The following MAST4 variants were observed in gnomAD, a reference collection of about 807,000 sequenced individuals.
MAST4 encodes the protein microtubule associated serine/threonine kinase family member 4.
A neutral mutation model predicts 162.7 loss-of-function variants in MAST4; 89 were observed. The observed-to-expected ratio is 0.55, with a 90% CI of 0.46 to 0.65. The LOEUF is 0.65. Among genes scored for constraint, MAST4 ranks in the 30% least tolerant of loss-of-function variants. The probability of loss-of-function intolerance (pLI) is 0.00; values close to 1 mark genes in which losing one functional copy is unlikely to be tolerated. For synonymous variants in MAST4, 1,479 were observed against 1,361.1 expected (o/e 1.09, Z -1.91); for missense variants, 3,153 against 3,374.0 (o/e 0.93, Z 1.62).
Position 67,114,149 on chromosome 5 carries a change from A to G in MAST4, c.1521A>G (p.Gly507=). 6.2e-7 allele frequency: 1 copy of G among 1,613,284 alleles called. No homozygotes were observed. The highest frequency in any genetic ancestry group is 1.3e-5 in the African/African-American group (1 of 74,982). Residue 507 remains glycine, a synonymous_variant, in exon 12 of 29, where the codon GGA becomes GGG. Coordinates refer to ENST00000403625, the MANE Select transcript of MAST4 (RefSeq NM_001164664.2). ...CAGCAGAAGGCCATGCCAAAGAAGGACAGGGTATTAAAACCGACATTCCCA... is the reference window on the plus strand; with the variant it reads ...CAGCAGAAGGCCATGCCAAAGAAGGGCAGGGTATTAAAACCGACATTCCCA... The part of the protein sequence containing the change: ...LEAAEGHAKE[G]QGIKTDIPRY...
At chr5:66,727,559 A>G (rs1472068925) in intron 1 of MAST4, among the ~76,000 whole-genome samples, 2 of 152,186 alleles carry the variant, frequency 1.3e-5, no homozygotes, top group Non-Finnish European at 2.9e-5. Flanking sequence ...TCAGTGCACT[A>G]TAGAAACATT....
intron 27 of MAST4, among the ~76,000 whole-genome samples, chr5:67,161,512 C>T (rs1351199012): frequency 6.6e-6 from 1 of 152,068 alleles, no homozygotes; most frequent in Non-Finnish European, 1.5e-5. Context: ...TGTATAAGAG[C>T]TTAATTATCA....
chr5:66,851,657 A>G (rs910961385), intron 3 of MAST4, among the ~76,000 whole-genome samples: 1 of 152,044 alleles, frequency 6.6e-6, no homozygotes, highest in Non-Finnish European at 1.5e-5. Context: ...ATCCCTTTTT[A>G]TTTTTATTAA....
rs1757040100 is a variant in MAST4, at chr5:66,822,434, G to C, written c.642+33640G>C. On this transcript the variant is annotated intron_variant, in intron 3 of 28. Transcript: ENST00000403625. ...ATTATGCCTGGCATGGCAATGGAAAGGGTGCTCTTGGTTTTGTGGAATCCA... is the reference window on the plus strand; with the variant it reads ...ATTATGCCTGGCATGGCAATGGAAACGGTGCTCTTGGTTTTGTGGAATCCA... Among the ~76,000 whole-genome samples the C allele has an allele frequency of 2.0e-5, 3 of 152,254 alleles. No individual in the cohort carries two copies. The South Asian group carries it at 6.2e-4, about 31-fold the overall frequency.
chr5:66,998,486 A>G (rs1750917996), intron 4 of MAST4, among the ~76,000 whole-genome samples: 2 of 152,218 alleles, frequency 1.3e-5, no homozygotes, highest in Non-Finnish European at 2.9e-5. Context: ...TACAGCTTAT[A>G]TAGATAATGG....
At chr5:66,775,369 C>G (rs1754553087) in intron 2 of MAST4, among the ~76,000 whole-genome samples, 1 of 152,142 alleles carries the variant, frequency 6.6e-6, no homozygotes, top group East Asian at 1.9e-4. Context: ...AAGTAGCTGG[C>G]AAAACTGTTA....
chr5:66,775,696 A>T (rs1294395220), intron 2 of MAST4, among the ~76,000 whole-genome samples: 2 of 152,130 alleles, frequency 1.3e-5, no homozygotes, highest in Non-Finnish European at 2.9e-5. Context: ...TTGCTTTGAA[A>T]CCAGGCAGAA....
At position 67,166,470 on chromosome 5, in the gene MAST4, G is replaced by C. The variant is rs1773989451; in HGVS notation, c.7291G>C (p.Ala2431Pro). 1.2e-6 allele frequency: 2 copies of C among 1,602,948 alleles called. No individual in the cohort carries two copies. Among genetic ancestry groups the C allele is most frequent in the East Asian group, 4.5e-5 (2 of 44,424 alleles). The change falls in exon 29 of 29, where the codon GCA becomes CCA. Residue 2431 changes from alanine (A) to proline (P), a missense_variant. Physicochemically the swap from Ala to Pro is conservative, Grantham distance 27. Coordinates refer to ENST00000403625, the MANE Select transcript of MAST4 (RefSeq NM_001164664.2). ...GPGPQKPPTE[A>P]DKPNGMKRSP... ...CGGTCCCCAGAAGCCACCGACGGAG[G>C]CAGACAAGCCCAATGGCATGAAACG...
At chr5:66,890,453 A>C (rs559327532) in intron 3 of MAST4, among the ~76,000 whole-genome samples, 2 of 152,188 alleles carry the variant, frequency 1.3e-5, no homozygotes, top group East Asian at 1.9e-4. Flanking sequence ...AATTGACTAG[A>C]AAGGAAGCTT....
At chr5:66,974,265 A>G (rs1237653819) in intron 4 of MAST4, among the ~76,000 whole-genome samples, 7 of 152,192 alleles carry the variant, frequency 4.6e-5, no homozygotes, top group African/African-American at 1.7e-4. Context: ...GGATTTGCCT[A>G]TTTTGGTTAT....
chr5:66,930,715 A>G (rs1272930234), intron 4 of MAST4: 1 of 470,864 alleles, frequency 2.1e-6, no homozygotes, highest in East Asian at 6.9e-5. Flanking sequence ...AGCTGCCTTT[A>G]TACCATTCTA....
chr5:66,921,865 C>T (rs964935034), intron 4 of MAST4, among the ~76,000 whole-genome samples: 7 of 152,128 alleles, frequency 4.6e-5, no homozygotes, highest in South Asian at 2.1e-4. Flanking sequence ...CTTCATGTAA[C>T]GTTCTAATTA....
intron 4 of MAST4, among the ~76,000 whole-genome samples, chr5:67,005,977 A>C (rs1162074183): frequency 6.6e-6 from 1 of 152,244 alleles, no homozygotes; most frequent in Non-Finnish European, 1.5e-5. Flanking sequence ...GGAGCTTCAC[A>C]ATCTCTATGC....
At chr5:66,768,507 A>G (rs780413229) in intron 2 of MAST4, among the ~76,000 whole-genome samples, 6 of 152,226 alleles carry the variant, frequency 3.9e-5, no homozygotes. Flanking sequence ...ATGTCCAGAA[A>G]ATTATGTTAA....
intron 23 of MAST4, among the ~76,000 whole-genome samples, 166 bp from the exon 24 acceptor site, chr5:67,149,223 A>G (rs530167740): frequency 1.3e-5 from 2 of 152,160 alleles, no homozygotes; most frequent in East Asian, 3.9e-4. Flanking sequence ...ACCTTTCTCA[A>G]AGCAATCACA....
chr5:67,076,782 C>A (rs1761703168), intron 5 of MAST4, among the ~76,000 whole-genome samples: 1 of 152,172 alleles, frequency 6.6e-6, no homozygotes, highest in Non-Finnish European at 1.5e-5. Context: ...TAAAACATTT[C>A]ATGGTTCATC....
chr5:67,022,484 G>A (rs903433791), intron 4 of MAST4, among the ~76,000 whole-genome samples: 2 of 152,052 alleles, frequency 1.3e-5, no homozygotes, highest in East Asian at 1.9e-4. Context: ...TATACTTTAG[G>A]ACGAAGAGCT....
At chr5:66,883,978 G>T (rs535794681) in intron 3 of MAST4, among the ~76,000 whole-genome samples, 151 of 152,248 alleles carry the variant, frequency 9.9e-4, no homozygotes, top group Non-Finnish European at 1.7e-3. Context: ...TAAGCCACCT[G>T]CCTCTTTCAT....
At chr5:66,892,677 G>C (rs1362050094) in intron 3 of MAST4, among the ~76,000 whole-genome samples, 1 of 151,988 alleles carries the variant, frequency 6.6e-6, no homozygotes, top group Non-Finnish European at 1.5e-5. Flanking sequence ...AGCCCTCCCT[G>C]CTCGTGTATT....
Sources: allele counts gnomAD v4.1 joint callset (sites outside exome capture counted in the v4.1 genomes callset), GRCh38; gene constraint gnomAD v4.1.1; transcripts MANE v1.5; gene names NCBI Gene and HGNC (gene_info 2026-07-23, HGNC 2026-07-21).